ABLIM3: variants seen among roughly 807,000 people sequenced by gnomAD.
ABLIM3 encodes the protein actin-binding LIM protein 3.
Under a neutral mutation model 109.5 loss-of-function variants are expected in ABLIM3, and 61 were observed. The observed-to-expected ratio is 0.56, with a 90% CI of 0.45 to 0.69. The LOEUF is 0.69. ABLIM3 is among the 30% of genes least tolerant of loss of function. The pLI is 0.00. For missense variants in ABLIM3, 796 were observed against 889.5 expected (o/e 0.89, Z 1.34); for synonymous variants, 300 against 324.8 (o/e 0.92, Z 0.82).
chr5:149,199,517 T>C (rs942649141), intron 4 of ABLIM3, among the ~76,000 whole-genome samples: 1 of 152,172 alleles, frequency 6.6e-6, no homozygotes, highest in African/African-American at 2.4e-5. Context: ...GAGGTCTCTG[T>C]CAAGCCAGGT....
chr5:149,169,204 C>A (rs1755140789), intron 2 of ABLIM3, among the ~76,000 whole-genome samples: 1 of 151,498 alleles, frequency 6.6e-6, no homozygotes, highest in Admixed American at 6.6e-5. Flanking sequence ...CAAGCGACAG[C>A]CCCCAGCTAA....
At chr5:149,213,529 G>A (rs1759765854) in intron 7 of ABLIM3, among the ~76,000 whole-genome samples, 1 of 152,178 alleles carries the variant, frequency 6.6e-6, no homozygotes, top group African/African-American at 2.4e-5. Flanking sequence ...GTGGGGAAGA[G>A]GCATCCAGAG....
intron 2 of ABLIM3, among the ~76,000 whole-genome samples, chr5:149,171,099 G>T (rs1755370466): frequency 6.6e-6 from 1 of 152,036 alleles, no homozygotes; most frequent in South Asian, 2.1e-4. Flanking sequence ...GTAGCTATTT[G>T]TGGGTATAAT....
chr5:149,183,352 C>T, intron 2 of ABLIM3, 100 bp from the exon 3 acceptor site: 3 of 1,362,070 alleles, frequency 2.2e-6, no homozygotes, highest in Non-Finnish European at 2.9e-6. Context: ...ATTTCTTCCC[C>T]TTCCACTTTT....
chr5:149,242,638 A>G (rs886525653), intron 15 of ABLIM3, 100 bp downstream of exon 15: 106 of 1,258,480 alleles, frequency 8.4e-5, no homozygotes, highest in Non-Finnish European at 1.2e-4. Flanking sequence ...GCCACAAAAC[A>G]CAAGGCTGCA....
rs1006227313 is a variant in ABLIM3, at chr5:149,249,673, C to G, written c.1700-142C>G. 189 of 846,880 alleles carry G rather than the reference C, an allele frequency of 2.2e-4. 2 individuals carry two copies. The highest frequency in any genetic ancestry group is 7.5e-5 in the East Asian group (3 of 39,754). The allele number at this position is 846,880 out of a possible 1,614,324, so 52.5% of individuals were successfully genotyped here. On this transcript the variant is annotated intron_variant, in intron 18 of 23. Transcript: ENST00000309868. The stretch of plus-strand genomic sequence containing the variant: ...TGCAACAATTAAAAACTGACCAGTT[C>G]AGGAGGGGCTGCAGGAGGCCCCTTT...
intron 11 of ABLIM3, among the ~76,000 whole-genome samples, chr5:149,238,651 G>T (rs1752479251): frequency 6.6e-6 from 1 of 152,244 alleles, no homozygotes; most frequent in Admixed American, 6.5e-5. Context: ...GTAAGAATCT[G>T]CACTTCTGTC....
chr5:149,180,615 A>G (rs1452968080), intron 2 of ABLIM3, among the ~76,000 whole-genome samples: 5 of 134,732 alleles, frequency 3.7e-5, no homozygotes, highest in Admixed American at 3.6e-4. Flanking sequence ...ATCTGGAAGA[A>G]CTCACACCAA....
At chr5:149,249,680 G>A in intron 18 of ABLIM3, 135 bp from the exon 19 acceptor site, 1 of 901,934 alleles carries the variant, frequency 1.1e-6, no homozygotes, top group Non-Finnish European at 1.8e-6. Flanking sequence ...GTTCAGGAGG[G>A]GCTGCAGGAG....
At chr5:149,163,652 A>G (rs1310127629) in intron 2 of ABLIM3, among the ~76,000 whole-genome samples, 1 of 152,144 alleles carries the variant, frequency 6.6e-6, no homozygotes, top group East Asian at 1.9e-4. Context: ...ATTAGAGCCT[A>G]TCCTAATGAC....
In ABLIM3 at chr5:149,198,128, T is replaced by G; in HGVS notation, c.152-91T>G. 3.8e-6 allele frequency: 5 copies of G among 1,307,570 alleles called. No homozygotes were observed. The highest frequency in any genetic ancestry group is 5.3e-6 in the Non-Finnish European group (5 of 940,776). 81.0% of individuals were successfully genotyped at this position (1,307,570 alleles called of 1,614,324 possible). A position where few individuals can be genotyped will look rare whatever the true frequency, so the allele number is the denominator to read the frequency against. On this transcript the variant is annotated intron_variant, in intron 3 of 23. Transcript: ENST00000309868. The surrounding 1 kb of genome is among the most constrained non-coding windows in gnomAD (Gnocchi z 4.2). ...CATTCTGTGGCCACTCATGACACAG[T>G]GAGACACCAGCCTTTCCCCCAGCGA...
At chr5:149,167,866 C>G (rs987699715) in intron 2 of ABLIM3, among the ~76,000 whole-genome samples, 3 of 152,144 alleles carry the variant, frequency 2.0e-5, no homozygotes, top group Admixed American at 6.5e-5. Context: ...TGAGGGAAGT[C>G]AGAGAAGGGC....
chr5:149,177,010 C>T (rs977565670), intron 2 of ABLIM3: 1 of 152,254 alleles, frequency 6.6e-6, no homozygotes. Flanking sequence ...TCTGTCTTGT[C>T]CTCTGGGTCT....
At chr5:149,207,848 T>C (rs1239305006) in intron 6 of ABLIM3, among the ~76,000 whole-genome samples, 2 of 152,218 alleles carry the variant, frequency 1.3e-5, no homozygotes, top group African/African-American at 4.8e-5. Context: ...CAACCTCCAG[T>C]GACCCACACA....
intron 5 of ABLIM3, 150 bp from the exon 6 acceptor site, chr5:149,206,858 T>A: frequency 1.9e-6 from 2 of 1,041,742 alleles, no homozygotes; most frequent in East Asian, 2.9e-5. Flanking sequence ...TTCTCTCCCC[T>A]GGGAGAGCCT....
At chr5:149,206,057 A>G (rs560309775) in intron 5 of ABLIM3, among the ~76,000 whole-genome samples, 1 of 152,320 alleles carries the variant, frequency 6.6e-6, no homozygotes, top group Non-Finnish European at 1.5e-5. Flanking sequence ...CCTCTGGTCA[A>G]CTTTGCCCCA....
At position 149,216,522 on chromosome 5, in the gene ABLIM3, C is replaced by CTT. The variant is rs35846248; in HGVS notation, c.670-426_670-425dup. ...AGAATGTATAGAGGACTGAAAAGAT[C>CTT]TTTTTTTTTTTTCCATTGGTCCAAT... On this transcript the variant is annotated intron_variant, in intron 7 of 23. Transcript: ENST00000309868. 6.5e-4 allele frequency: 99 copies of CTT among 151,536 alleles called. 1 individual carries two copies. The highest frequency in any genetic ancestry group is 3.5e-3 in the East Asian group (18 of 5,176). The allele number at this position is 151,536 out of a possible 1,614,324, so 9.4% of individuals were successfully genotyped here.
intron 14 of ABLIM3, among the ~76,000 whole-genome samples, chr5:149,241,415 C>T (rs1047582217): frequency 7.9e-5 from 12 of 152,112 alleles, no homozygotes; most frequent in Admixed American, 7.9e-4. Flanking sequence ...AGAGGCCAGG[C>T]TAGATGGGGC....
intron 2 of ABLIM3, among the ~76,000 whole-genome samples, chr5:149,144,967 G>A (rs747682739): frequency 6.6e-6 from 1 of 152,164 alleles, no homozygotes; most frequent in Non-Finnish European, 1.5e-5. Context: ...TTCAAATTCT[G>A]CAAATACTGT....
Sources: allele counts gnomAD v4.1 joint callset (sites outside exome capture counted in the v4.1 genomes callset), GRCh38; gene constraint gnomAD v4.1.1; non-coding constraint Gnocchi (gnomAD v3.1); transcripts MANE v1.5; gene names NCBI Gene and HGNC (gene_info 2026-07-23, HGNC 2026-07-21).